CNTNAP3B: variants seen among roughly 807,000 people sequenced by gnomAD.
The protein encoded by CNTNAP3B is contactin-associated protein-like 3B.
A neutral mutation model predicts 108.9 loss-of-function variants in CNTNAP3B; 25 were observed. The ratio of observed to expected loss-of-function variants is 0.23; its 90% CI spans 0.17 to 0.32. The LOEUF (loss-of-function observed/expected upper bound fraction) is 0.32, where lower values mean the gene tolerates loss of function less well. Ranked by LOEUF, CNTNAP3B falls within the 10% of genes least tolerant of loss-of-function variation. The pLI, the probability that CNTNAP3B is intolerant of heterozygous loss-of-function variation, is 1.00. For synonymous variants in CNTNAP3B, 103 were observed against 473.4 expected, an observed-to-expected ratio of 0.22 and a Z score of 10.16; for missense variants, 252 against 1,210.4, an observed-to-expected ratio of 0.21 and a Z score of 11.75.
chr9:41,923,633 G>C (rs953565158), intron 16 of CNTNAP3B, among the ~76,000 whole-genome samples: 29 of 152,332 alleles, frequency 1.9e-4, no homozygotes, highest in South Asian at 2.1e-4. Context: ...ATGGTGGTGC[G>C]TGCCTATAGT....
intron 18 of CNTNAP3B, among the ~76,000 whole-genome samples, chr9:41,916,404 C>G (rs1823518058): frequency 6.7e-6 from 1 of 150,164 alleles, no homozygotes; most frequent in Non-Finnish European, 1.5e-5. Flanking sequence ...TACCTGCACA[C>G]TTACATTTAT....
chr9:42,076,859 A>G lies in CNTNAP3B; in HGVS notation c.390+10T>C, dbSNP rs1306688574. ...GCAATAGGTAGCAATTATTGTTATTAGAAACATACCCAGATGCTTTCTTCT... is the reference window on the plus strand; with the variant it reads ...GCAATAGGTAGCAATTATTGTTATTGGAAACATACCCAGATGCTTTCTTCT... On this transcript the variant is annotated intron_variant, in intron 3 of 23. Coordinates refer to ENST00000377561, the MANE Select transcript of CNTNAP3B (RefSeq NM_001201380.3). The G allele has an allele frequency of 6.5e-7, 1 of 1,541,368 alleles. No homozygotes were observed. Among genetic ancestry groups the G allele is most frequent in the Non-Finnish European group, 8.8e-7 (1 of 1,139,048 alleles).
intron 13 of CNTNAP3B, among the ~76,000 whole-genome samples, chr9:41,944,373 T>G (rs1354511562): frequency 1.4e-5 from 2 of 147,430 alleles, no homozygotes; most frequent in Non-Finnish European, 3.0e-5. Context: ...TATGAATAAG[T>G]AAAATGAATG....
intron 14 of CNTNAP3B, among the ~76,000 whole-genome samples, chr9:41,934,188 C>CATATATATACACACACACACACAT (rs1824080336): frequency 2.2e-5 from 3 of 135,358 alleles, no homozygotes; most frequent in African/African-American, 2.9e-5. Flanking sequence ...CACACACACA[C>CATATATATACACACACACACACAT]ATATATATAT....
At position 41,972,497 on chromosome 9, in the gene CNTNAP3B, G is replaced by T. The variant is rs1257656914; in HGVS notation, c.1478-2252C>A. On this transcript the variant is annotated intron_variant, in intron 9 of 23. Transcript: ENST00000377561. Reference sequence around the variant, plus strand: ...CCATAAAAATTAAATGTTGTGTTTAGATTTCCATTTTAATAACTGAAGCTT... The same window carrying T: ...CCATAAAAATTAAATGTTGTGTTTATATTTCCATTTTAATAACTGAAGCTT... 1.5e-5 allele frequency among the ~76,000 whole-genome samples: 2 copies of T among 137,282 alleles called. 1 individual carries two copies. Among genetic ancestry groups the T allele is most frequent in the Non-Finnish European group, 3.1e-5 (2 of 64,488 alleles). The allele number at this position is 137,282 out of a possible 152,430, so 90.1% of individuals were successfully genotyped here. A position where few individuals can be genotyped will look rare whatever the true frequency, so the allele number is the denominator to read the frequency against.
intron 1 of CNTNAP3B, among the ~76,000 whole-genome samples, chr9:42,119,450 G>T (rs1828406051): frequency 7.7e-6 from 1 of 130,706 alleles, no homozygotes; most frequent in Non-Finnish European, 1.6e-5. Flanking sequence ...AGCTACCAAT[G>T]ACTTTCTTCA....
At chr9:41,944,517 C>G (rs1312863811) in intron 13 of CNTNAP3B, among the ~76,000 whole-genome samples, 1 of 152,250 alleles carries the variant, frequency 6.6e-6, no homozygotes, top group East Asian at 1.9e-4. Flanking sequence ...CAAAGGCTAC[C>G]ACTAAAACAA....
chr9:41,963,368 A>T (rs1825164926), intron 11 of CNTNAP3B, among the ~76,000 whole-genome samples: 1 of 151,964 alleles, frequency 6.6e-6, no homozygotes, highest in African/African-American at 2.4e-5. Context: ...GAAAACTCTA[A>T]AAGTTAAAAA....
At chr9:41,951,645 C>A (rs1441284242) in intron 13 of CNTNAP3B, among the ~76,000 whole-genome samples, 1 of 152,260 alleles carries the variant, frequency 6.6e-6, no homozygotes, top group Admixed American at 6.5e-5. Flanking sequence ...AGCACTTGAA[C>A]TTCAAACTTT....
chr9:42,030,799 G>A (rs1195964593), intron 3 of CNTNAP3B, among the ~76,000 whole-genome samples: 1 of 95,068 alleles, frequency 1.1e-5, no homozygotes, highest in African/African-American at 4.7e-5. Context: ...GTGCGAGAGA[G>A]AGAGAGAGAG....
chr9:41,926,944 C>T (rs1823837035), intron 15 of CNTNAP3B, among the ~76,000 whole-genome samples: 1 of 152,312 alleles, frequency 6.6e-6, no homozygotes, highest in Non-Finnish European at 1.5e-5. Flanking sequence ...TGTTTGATGT[C>T]AGAGTATCAA....
At chr9:42,112,657 C>T (rs1281189900) in intron 1 of CNTNAP3B, among the ~76,000 whole-genome samples, 2 of 136,626 alleles carry the variant, frequency 1.5e-5, no homozygotes, top group African/African-American at 5.9e-5. Context: ...GTTGTCTCTC[C>T]TTCCAGATGA....
intron 12 of CNTNAP3B, among the ~76,000 whole-genome samples, chr9:41,954,711 T>A (rs1161415585): frequency 2.0e-5 from 3 of 152,256 alleles, no homozygotes; most frequent in African/African-American, 4.8e-5. Context: ...GAGATAAGAG[T>A]CTCGCTCTGT....
At chr9:42,019,561 G>A (rs1250503534) in intron 3 of CNTNAP3B, among the ~76,000 whole-genome samples, 1 of 75,446 alleles carries the variant, frequency 1.3e-5, no homozygotes, top group Non-Finnish European at 2.6e-5. Context: ...AGACCAGCCT[G>A]ACCAATATGG....
rs1365400086 is a variant in CNTNAP3B at position 41,928,139 on chromosome 9, G to T, written c.2365+1178C>A. On this transcript the variant is annotated intron_variant, in intron 15 of 23. Coordinates refer to ENST00000377561, the MANE Select transcript of CNTNAP3B (RefSeq NM_001201380.3). Reference sequence around the variant, plus strand: ...CTGTCAAGAGCTGTGAAGAATCTGAGATTTCACCCTACTTGCAAGCTAACA... The same window carrying T: ...CTGTCAAGAGCTGTGAAGAATCTGATATTTCACCCTACTTGCAAGCTAACA... 1.7e-4 allele frequency among the ~76,000 whole-genome samples: 26 copies of T among 152,366 alleles called. No individual in the cohort carries two copies. In the East Asian group the frequency reaches 2.7e-3, roughly 16 times the overall value.
chr9:42,103,416 G>GT (rs1319032029), intron 2 of CNTNAP3B, among the ~76,000 whole-genome samples: 5 of 47,866 alleles, frequency 1.0e-4, no homozygotes, highest in Non-Finnish European at 1.9e-4. Flanking sequence ...GCAACAGGGA[G>GT]TTAAAAAAAA....
intron 2 of CNTNAP3B, among the ~76,000 whole-genome samples, chr9:42,095,442 A>G (rs1827880760): frequency 2.2e-5 from 3 of 139,314 alleles, no homozygotes; most frequent in Non-Finnish European, 4.6e-5. Flanking sequence ...TGGTGCAAGC[A>G]TTCTGCATCA....
intron 3 of CNTNAP3B, among the ~76,000 whole-genome samples, chr9:42,073,348 T>C: frequency 1.7e-5 from 1 of 58,126 alleles, no homozygotes; most frequent in East Asian, 4.6e-4. Flanking sequence ...GTAGCTGTGG[T>C]CAGGAAAAGA....
chr9:41,937,114 T>TTTATTATTATTATTATTATTA (rs373324080), intron 14 of CNTNAP3B, among the ~76,000 whole-genome samples: 16 of 141,436 alleles, frequency 1.1e-4, no homozygotes, highest in African/African-American at 2.9e-4. Flanking sequence ...TATTTATTAA[T>TTTATTATTATTATTATTATTA]TTATTATTAT....
Sources: allele counts gnomAD v4.1 joint callset (sites outside exome capture counted in the v4.1 genomes callset), GRCh38; gene constraint gnomAD v4.1.1; transcripts MANE v1.5; gene names NCBI Gene and HGNC (gene_info 2026-07-23, HGNC 2026-07-21).